The following CHST8 variants were observed in gnomAD, a reference collection of about 807,000 sequenced individuals.
CHST8 encodes the protein GALNAC-4-ST1.
A neutral mutation model predicts 15.0 loss-of-function variants in CHST8; 10 were observed. The observed-to-expected ratio is 0.67, with a 90% CI of 0.41 to 1.13. CHST8 has a LOEUF of 1.13. Ranked by LOEUF, CHST8 falls within the 50% of genes most tolerant of loss-of-function variation. The pLI, the probability that CHST8 is intolerant of heterozygous loss-of-function variation, is 0.00. For missense variants in CHST8, 634 were observed against 608.2 expected (o/e 1.04, Z -0.45); for synonymous variants, 259 against 256.6 (o/e 1.01, Z -0.09).
intron 1 of CHST8, among the ~76,000 whole-genome samples, chr19:33,641,796 G>A (rs962118949): frequency 1.3e-5 from 2 of 152,228 alleles, no homozygotes; most frequent in Admixed American, 6.5e-5. Context: ...TGGGACTCCC[G>A]CTGTCATCGC....
intron 3 of CHST8, among the ~76,000 whole-genome samples, chr19:33,715,989 T>G (rs1399549401): frequency 1.3e-5 from 2 of 152,214 alleles, no homozygotes; most frequent in East Asian, 3.8e-4. Flanking sequence ...GTTGCAAGCC[T>G]GTCACCCAAC....
intron 3 of CHST8, among the ~76,000 whole-genome samples, chr19:33,768,433 ATT>A (rs955765729): frequency 1.3e-5 from 2 of 151,734 alleles, no homozygotes; most frequent in African/African-American, 2.4e-5. Context: ...ATAAATGTAA[ATT>A]TTTTTTCTTT....
chr19:33,700,916 A>G (rs1252168728), intron 3 of CHST8, among the ~76,000 whole-genome samples: 1 of 152,208 alleles, frequency 6.6e-6, no homozygotes, highest in Non-Finnish European at 1.5e-5. Context: ...AGGGATGGAC[A>G]TGGAGTGCTC....
At chr19:33,657,157 A>AC (rs1972519457) in intron 1 of CHST8, among the ~76,000 whole-genome samples, 2 of 105,094 alleles carry the variant, frequency 1.9e-5, no homozygotes, top group South Asian at 3.3e-4. Flanking sequence ...ACACACACAC[A>AC]AACACACATA....
intron 3 of CHST8, among the ~76,000 whole-genome samples, chr19:33,768,879 ATC>A (rs1206000113): frequency 2.0e-5 from 3 of 152,194 alleles, no homozygotes; most frequent in African/African-American, 4.8e-5. Flanking sequence ...GATGTTACTG[ATC>A]TCTCTTACTC....
chr19:33,690,329 G>A (rs757066546), intron 3 of CHST8, among the ~76,000 whole-genome samples: 7 of 152,168 alleles, frequency 4.6e-5, no homozygotes, highest in Non-Finnish European at 7.3e-5. Flanking sequence ...AGAGAAGGGG[G>A]CCAGAGGTGT....
chr19:33,720,555 T>G (rs147932488), intron 3 of CHST8, among the ~76,000 whole-genome samples: 5 of 152,182 alleles, frequency 3.3e-5, no homozygotes, highest in African/African-American at 1.2e-4. Context: ...ACTCTGCCCA[T>G]TGGCCTCTGT....
At chr19:33,743,566 G>A (rs1419704766) in intron 3 of CHST8, among the ~76,000 whole-genome samples, 1 of 151,956 alleles carries the variant, frequency 6.6e-6, no homozygotes, top group Admixed American at 6.6e-5. Flanking sequence ...CTCCCAAAGT[G>A]CTGGGATTAC....
intron 3 of CHST8, among the ~76,000 whole-genome samples, chr19:33,757,319 GCAGTGA>G (rs1344401344): frequency 2.7e-5 from 4 of 150,234 alleles, no homozygotes; most frequent in African/African-American, 9.9e-5. Flanking sequence ...GGTGGAGGTT[GCAGTGA>G]GCCAAAACCA....
chr19:33,687,146 T>C (rs1347960585), intron 2 of CHST8, among the ~76,000 whole-genome samples: 1 of 152,214 alleles, frequency 6.6e-6, no homozygotes. Flanking sequence ...CTGGCCCCGG[T>C]GGGGCTGGGA....
In CHST8 at chr19:33,773,033, C is replaced by T. The variant is rs1209992077; in HGVS notation, c.1245C>T (p.Asn415=). The stretch of plus-strand genomic sequence containing the variant: ...ACTACATGGATTACCTGATGTTCAA[C>T]TATTCCAAGCCCTTTGCAGATCTGT... The part of the protein sequence containing the change: ...DFYYMDYLMF[N]YSKPFADLY Residue 415 remains asparagine, a synonymous_variant, in exon 5 of 5, where the codon AAC becomes AAT. Coordinates refer to ENST00000650847, the MANE Select transcript of CHST8 (RefSeq NM_001127895.2). 1.2e-6 allele frequency: 2 copies of T among 1,609,964 alleles called. No homozygotes were observed. Among genetic ancestry groups the T allele is most frequent in the Non-Finnish European group, 1.7e-6 (2 of 1,179,776 alleles).
chr19:33,647,902 G>A (rs1972374434), intron 1 of CHST8, among the ~76,000 whole-genome samples: 1 of 151,714 alleles, frequency 6.6e-6, no homozygotes, highest in Non-Finnish European at 1.5e-5. Context: ...AGCTGCTGAG[G>A]GAAGAGGGGT....
intron 3 of CHST8, among the ~76,000 whole-genome samples, chr19:33,735,489 C>T (rs997638501): frequency 6.6e-6 from 1 of 152,148 alleles, no homozygotes; most frequent in African/African-American, 2.4e-5. Flanking sequence ...CACAGACACA[C>T]GCAGACACAC....
intron 3 of CHST8, among the ~76,000 whole-genome samples, chr19:33,759,968 G>T (rs543158416): frequency 6.6e-6 from 1 of 152,228 alleles, no homozygotes; most frequent in South Asian, 2.1e-4. Context: ...CACCCAGAAA[G>T]TCAGGTGTTC....
At chr19:33,695,061 T>C (rs911162784) in intron 3 of CHST8, among the ~76,000 whole-genome samples, 21 of 151,930 alleles carry the variant, frequency 1.4e-4, no homozygotes, top group African/African-American at 4.8e-4. Context: ...GCTCGAGTGA[T>C]CCTCCTACCT....
intron 3 of CHST8, 117 bp from the exon 4 acceptor site, chr19:33,771,296 G>A: frequency 3.0e-6 from 3 of 1,010,372 alleles, no homozygotes; most frequent in Non-Finnish European, 4.7e-6. Context: ...CCTTTCCCTA[G>A]AGCCTACCCC....
chr19:33,635,259 G>A (rs1972178724), intron 1 of CHST8, among the ~76,000 whole-genome samples: 1 of 152,184 alleles, frequency 6.6e-6, no homozygotes, highest in Non-Finnish European at 1.5e-5. Context: ...GAAGACCGTG[G>A]TGAAGCCTCC....
Sources: gnomAD v4.1 joint callset for allele counts (sites outside exome capture counted in the v4.1 genomes callset) on GRCh38, gnomAD v4.1.1 for gene constraint, MANE v1.5 for transcripts, NCBI Gene and HGNC (gene_info 2026-07-23, HGNC 2026-07-21) for gene names.